PAG1: variants seen among roughly 807,000 people sequenced by gnomAD.
The protein encoded by PAG1 is phosphoprotein associated with glycosphingolipid-enriched microdomains 1.
In PAG1, 23 loss-of-function variants were observed where a neutral mutation model predicts 31.7. The ratio of observed to expected loss-of-function variants is 0.73; its 90% CI spans 0.52 to 1.03. The LOEUF (loss-of-function observed/expected upper bound fraction) is 1.03. PAG1 is among the 50% of genes least tolerant of loss of function. The probability of loss-of-function intolerance (pLI) is 0.00; values close to 1 mark genes in which losing one functional copy is unlikely to be tolerated. For missense variants in PAG1, 473 were observed against 540.7 expected (o/e 0.87, Z 1.24); for synonymous variants, 214 against 210.3 (o/e 1.02, Z -0.15).
chr8:80,978,337 A>G (rs1233569590), intron 8 of PAG1, among the ~76,000 whole-genome samples: 1 of 152,230 alleles, frequency 6.6e-6, no homozygotes, highest in Non-Finnish European at 1.5e-5. Flanking sequence ...ATTTCTTTGA[A>G]TTTAATAAAA....
At chr8:81,034,405 T>C (rs1044162381) in intron 2 of PAG1, among the ~76,000 whole-genome samples, 20 of 152,218 alleles carry the variant, frequency 1.3e-4, no homozygotes, top group Admixed American at 9.2e-4. Context: ...AGAGTAGGAT[T>C]ACCGGCTGCT....
chr8:80,976,989 A>T (rs1305294976), intron 8 of PAG1, 83 bp from the exon 9 acceptor site: 1 of 1,304,792 alleles, frequency 7.7e-7, no homozygotes, highest in Non-Finnish European at 1.1e-6. Flanking sequence ...CATACTGAGC[A>T]CTCCTGGGTT....
intron 1 of PAG1, among the ~76,000 whole-genome samples, chr8:81,074,098 G>C (rs1809137835): frequency 6.6e-6 from 1 of 152,234 alleles, no homozygotes; most frequent in Non-Finnish European, 1.5e-5. Flanking sequence ...CTGAGAATGA[G>C]GATGGAGAGG....
At chr8:80,981,212 AC>A (rs903545599) in intron 7 of PAG1, among the ~76,000 whole-genome samples, 2 of 151,690 alleles carry the variant, frequency 1.3e-5, no homozygotes, top group African/African-American at 4.8e-5. Context: ...AGTCCTTGCA[AC>A]CCCTTTCAGA....
chr8:81,089,365 G>T (rs994791283), intron 1 of PAG1, among the ~76,000 whole-genome samples: 1 of 152,094 alleles, frequency 6.6e-6, no homozygotes, highest in Non-Finnish European at 1.5e-5. Flanking sequence ...TCAGGAGATC[G>T]AGGCCATCCT....
At chr8:81,027,982 G>A (rs895724020) in intron 3 of PAG1, among the ~76,000 whole-genome samples, 24 of 151,450 alleles carry the variant, frequency 1.6e-4, no homozygotes, top group Non-Finnish European at 3.4e-4. Flanking sequence ...GCCTAAAGAC[G>A]AGGGTCCCCC....
rs1436481695 is a variant in PAG1 at position 80,991,523 on chromosome 8, T to G, written c.133A>C (p.Lys45Gln). ...TGGTCCCCACTATGCTGTCGCGGCT[T>G]CTTTTCCCTGAAATGAAAAGTGAAA... is the stretch of plus-strand genomic sequence containing the variant. ...FLCSSCDREKKPRQHSGDHEN... is the reference protein window; with the variant it reads ...FLCSSCDREKQPRQHSGDHEN... Residue 45 changes from lysine (K) to glutamine (Q), a missense_variant, in exon 5 of 9, where the codon AAG becomes CAG. Coordinates refer to ENST00000220597, the MANE Select transcript of PAG1 (RefSeq NM_018440.4). The G allele has an allele frequency of 6.2e-7, 1 of 1,613,112 alleles. No individual in the cohort carries two copies. Among genetic ancestry groups the G allele is most frequent in the South Asian group, 1.1e-5 (1 of 91,056 alleles).
chr8:80,984,931 T>TA lies in PAG1; in HGVS notation c.720dup (p.Asn241Ter). 6.2e-7 allele frequency: 1 copy of TA among 1,614,132 alleles called. No individual in the cohort carries two copies. Among genetic ancestry groups the TA allele is most frequent in the Non-Finnish European group, 8.5e-7 (1 of 1,180,012 alleles). ...GAATTTCCAAGGATACTCTCTACAT[T>TA]AACACTTTGACGACATTTTTTGTTT... On this transcript the variant is annotated frameshift_variant, in exon 7 of 9. Coordinates refer to ENST00000220597, the MANE Select transcript of PAG1 (RefSeq NM_018440.4). LOFTEE classifies it high-confidence loss of function.
chr8:81,073,799 C>T (rs1809131830), intron 1 of PAG1, among the ~76,000 whole-genome samples: 1 of 152,224 alleles, frequency 6.6e-6, no homozygotes, highest in Non-Finnish European at 1.5e-5. Flanking sequence ...AAGAAAACCA[C>T]AGAGGCACTG....
chr8:81,074,948 A>G (rs751502818), intron 1 of PAG1, among the ~76,000 whole-genome samples: 3 of 152,166 alleles, frequency 2.0e-5, no homozygotes, highest in Non-Finnish European at 2.9e-5. Context: ...CAGGCCTTGC[A>G]GTCTTATGAT....
At chr8:81,060,165 TA>T (rs1208063945) in intron 2 of PAG1, among the ~76,000 whole-genome samples, 6 of 152,200 alleles carry the variant, frequency 3.9e-5, no homozygotes, top group Non-Finnish European at 8.8e-5. Context: ...TTTTGTCCAT[TA>T]GTAAGAAGGC....
At chr8:81,082,252 CAAAAAAAAAAAAAA>C (rs748117144) in intron 1 of PAG1, among the ~76,000 whole-genome samples, 2 of 48,096 alleles carry the variant, frequency 4.2e-5, no homozygotes, top group Admixed American at 4.3e-4. Flanking sequence ...GACTCTGTCT[CAAAAAAAAAAAAAA>C]AAAAAAAGAA....
intron 1 of PAG1, among the ~76,000 whole-genome samples, chr8:81,103,848 G>A (rs868690722): frequency 3.3e-5 from 5 of 152,176 alleles, no homozygotes; most frequent in Middle Eastern, 6.8e-3. Context: ...AGATATGCCC[G>A]CTATGGGGAA....
chr8:81,060,931 T>C (rs1414344493), intron 2 of PAG1, among the ~76,000 whole-genome samples: 1 of 152,220 alleles, frequency 6.6e-6, no homozygotes, highest in Admixed American at 6.5e-5. Flanking sequence ...GCCCATAAAA[T>C]TGTATTTAAC....
At chr8:81,096,257 T>A (rs528556850) in intron 1 of PAG1, among the ~76,000 whole-genome samples, 42 of 152,332 alleles carry the variant, frequency 2.8e-4, no homozygotes, top group Admixed American at 4.6e-4. Flanking sequence ...TGTAGAGCCG[T>A]GGGGAACAGC....
Position 80,985,188 on chromosome 8 carries a change from T to C in PAG1, c.464A>G (p.Gln155Arg), listed in dbSNP as rs1449168916. The change falls in exon 7 of 9, where the codon CAG becomes CGG. Residue 155 changes from glutamine (Q) to arginine (R), a missense_variant. Gln to Arg is a conservative substitution (Grantham distance 43). Coordinates refer to ENST00000220597, the MANE Select transcript of PAG1 (RefSeq NM_018440.4). ...ATAGGGCCCTTCCATCCCCAGCCCC[T>C]GGTCCCCGTCCACACTTCTCGCCGT... ...MLTARSVDGD[Q>R]GLGMEGPYEV... is the part of the protein sequence containing the mutation. 3.1e-6 allele frequency: 5 copies of C among 1,614,128 alleles called. No homozygotes were observed. The highest frequency in any genetic ancestry group is 1.1e-5 in the South Asian group (1 of 91,072).
At chr8:81,103,655 T>A (rs1809645233) in intron 1 of PAG1, among the ~76,000 whole-genome samples, 10 of 152,248 alleles carry the variant, frequency 6.6e-5, no homozygotes, top group Admixed American at 6.5e-4. Context: ...GATATTTTAC[T>A]CAGCATACAT....
intron 2 of PAG1, among the ~76,000 whole-genome samples, chr8:81,038,768 C>T (rs1808505000): frequency 6.6e-6 from 1 of 152,238 alleles, no homozygotes; most frequent in South Asian, 2.1e-4. Flanking sequence ...TGATAATGTG[C>T]CCGTGTGTAC....
chr8:80,996,594 G>A (rs1179253085), intron 3 of PAG1, among the ~76,000 whole-genome samples: 4 of 152,110 alleles, frequency 2.6e-5, no homozygotes, highest in African/African-American at 7.2e-5. Flanking sequence ...TCGGTGGACC[G>A]GCTCCTCCCC....
Sources: gnomAD v4.1 joint callset for allele counts (sites outside exome capture counted in the v4.1 genomes callset) on GRCh38, gnomAD v4.1.1 for gene constraint, MANE v1.5 for transcripts, NCBI Gene and HGNC (gene_info 2026-07-23, HGNC 2026-07-21) for gene names.